The following CMPK1 variants were observed in gnomAD, a reference collection of about 807,000 sequenced individuals.
The protein encoded by CMPK1 is cytidine/uridine monophosphate kinase 1, also known as UMP-CMP kinase.
Under a neutral mutation model 25.7 loss-of-function variants are expected in CMPK1, and 10 were observed. The ratio of observed to expected loss-of-function variants is 0.39; its 90% CI spans 0.24 to 0.66. The LOEUF (loss-of-function observed/expected upper bound fraction) is 0.66, where lower values mean the gene tolerates loss of function less well. Ranked by LOEUF, CMPK1 falls within the 30% of genes least tolerant of loss-of-function variation. The pLI is 0.48. For missense variants in CMPK1, 199 were observed against 280.5 expected, an observed-to-expected ratio of 0.71 and a Z score of 2.08; for synonymous variants, 106 against 101.5, an observed-to-expected ratio of 1.04 and a Z score of -0.27.
intron 1 of CMPK1, among the ~76,000 whole-genome samples, chr1:47,365,890 C>T (rs981283218): frequency 1.4e-4 from 21 of 152,086 alleles, no homozygotes; most frequent in Admixed American, 1.2e-3. Context: ...ATATATTTGT[C>T]ACTAGAAAAT....
At chr1:47,374,805 T>C in intron 3 of CMPK1, 104 bp from the exon 4 acceptor site, 4 of 723,910 alleles carry the variant, frequency 5.5e-6, no homozygotes, top group East Asian at 2.7e-5. Context: ...TTGGGTTTAT[T>C]GCAGGGTTTT....
At chr1:47,360,831 G>A (rs916576365) in intron 1 of CMPK1, among the ~76,000 whole-genome samples, 1 of 152,206 alleles carries the variant, frequency 6.6e-6, no homozygotes, top group Non-Finnish European at 1.5e-5. Context: ...TGGCTACATA[G>A]TAGAAAGAAG....
intron 1 of CMPK1, among the ~76,000 whole-genome samples, chr1:47,342,009 C>G (rs1646444905): frequency 6.6e-6 from 1 of 152,094 alleles, no homozygotes. Flanking sequence ...CCACTTGGCT[C>G]AAGCGATCCT....
chr1:47,366,090 A>C (rs1451766845), intron 1 of CMPK1, among the ~76,000 whole-genome samples: 1 of 152,146 alleles, frequency 6.6e-6, no homozygotes, highest in African/African-American at 2.4e-5. Context: ...GCTGCTTGGG[A>C]GGCTGAGGCA....
intron 1 of CMPK1, among the ~76,000 whole-genome samples, chr1:47,349,270 G>A (rs773081665): frequency 6.6e-6 from 1 of 152,158 alleles, no homozygotes; most frequent in African/African-American, 2.4e-5. Context: ...GGGTCACCTA[G>A]GAATTACCTC....
intron 1 of CMPK1, among the ~76,000 whole-genome samples, chr1:47,337,499 A>C (rs7549485): frequency 1 from 152,096 of 152,294 alleles, 75,954 homozygotes; most frequent in Middle Eastern, 1. Context: ...AATGAAAAGT[A>C]TTCTCTTGAG....
At chr1:47,363,099 C>T (rs1646614629) in intron 1 of CMPK1, among the ~76,000 whole-genome samples, 1 of 152,144 alleles carries the variant, frequency 6.6e-6, no homozygotes, top group African/African-American at 2.4e-5. Context: ...TGTTCCTCAA[C>T]TTAAAATGTG....
chr1:47,364,630 T>C (rs1307392973), intron 1 of CMPK1, among the ~76,000 whole-genome samples: 1 of 148,312 alleles, frequency 6.7e-6, no homozygotes, highest in Non-Finnish European at 1.5e-5. Context: ...TATTTATATT[T>C]TTAATATATA....
At chr1:47,356,505 A>G (rs1011652579) in intron 1 of CMPK1, among the ~76,000 whole-genome samples, 1 of 152,164 alleles carries the variant, frequency 6.6e-6, no homozygotes, top group African/African-American at 2.4e-5. Context: ...ACTCTTTCTG[A>G]TAAGTTTGAG....
At chr1:47,358,262 G>A (rs1037119652) in intron 1 of CMPK1, 5 of 478,690 alleles carry the variant, frequency 1.0e-5, no homozygotes, top group Admixed American at 4.7e-5. Flanking sequence ...ACAGGTGCAC[G>A]TCACCATGAC....
At position 47,377,502 on chromosome 1, in the gene CMPK1, A is replaced by G. The variant is rs1447028457; in HGVS notation, c.*757A>G. 2 of 152,232 alleles carry G rather than the reference A, an allele frequency of 1.3e-5. No individual in the cohort carries two copies. The highest frequency in any genetic ancestry group is 2.4e-5 in the African/African-American group (1 of 41,434). 9.4% of individuals were successfully genotyped at this position (152,232 alleles called of 1,614,324 possible). A position where few individuals can be genotyped will look rare whatever the true frequency, so the allele number is the denominator to read the frequency against. On this transcript the variant is annotated 3_prime_UTR_variant, in exon 6 of 6. Coordinates refer to ENST00000371873, the MANE Select transcript of CMPK1 (RefSeq NM_016308.3). Reference sequence around the variant, plus strand: ...TATAGTGTTATTCATGATTCAGCTGATCTTAACAAAATTCGTAGCAGTGGA... The same window carrying G: ...TATAGTGTTATTCATGATTCAGCTGGTCTTAACAAAATTCGTAGCAGTGGA...
chr1:47,358,104 CTTTTTTT>C (rs398039948), intron 1 of CMPK1, among the ~76,000 whole-genome samples: 6 of 78,756 alleles, frequency 7.6e-5, no homozygotes, highest in Non-Finnish European at 1.3e-4. Context: ...CATAGTAGGT[CTTTTTTT>C]TTTTTTTTTT....
Position 47,334,089 on chromosome 1 carries a change from G to A in CMPK1, c.144G>A (p.Lys48=). 1.3e-6 allele frequency: 2 copies of A among 1,528,912 alleles called. No individual in the cohort carries two copies. The highest frequency in any genetic ancestry group is 2.4e-5 in the South Asian group (2 of 82,464). 94.7% of individuals were successfully genotyped at this position (1,528,912 alleles called of 1,614,324 possible). A position where few individuals can be genotyped will look rare whatever the true frequency, so the allele number is the denominator to read the frequency against. ...TCCTCGGCGGCCCCGGCGCCGGCAAGGGGACCCAGTGCGCCCGCATCGTCG... is the reference window on the plus strand; with the variant it reads ...TCCTCGGCGGCCCCGGCGCCGGCAAAGGGACCCAGTGCGCCCGCATCGTCG... The part of the protein sequence containing the change: ...VFVLGGPGAG[K]GTQCARIVEK... Residue 48 remains lysine, a synonymous_variant, in exon 1 of 6, where the codon AAG becomes AAA. Transcript: ENST00000371873.
intron 1 of CMPK1, among the ~76,000 whole-genome samples, chr1:47,354,568 A>G (rs1417243944): frequency 6.7e-6 from 1 of 149,186 alleles, no homozygotes; most frequent in Non-Finnish European, 1.5e-5. Context: ...GTGTATGCAC[A>G]TACACATAGT....
At chr1:47,340,826 G>A (rs11802287) in intron 1 of CMPK1, among the ~76,000 whole-genome samples, 4,957 of 152,114 alleles carry the variant, frequency 0.033, 258 homozygotes, top group African/African-American at 0.11. Flanking sequence ...TAGTAGAGAC[G>A]GGGTTTCTCC....
chr1:47,377,045 CT>C lies in CMPK1; in HGVS notation c.*305del, dbSNP rs1485190891. The C allele has an allele frequency of 2.8e-5, 6 of 216,080 alleles. No individual in the cohort carries two copies. The highest frequency in any genetic ancestry group is 1.1e-4 in the African/African-American group (5 of 44,080). The allele number at this position is 216,080 out of a possible 1,614,324, so 13.4% of individuals were successfully genotyped here. On this transcript the variant is annotated 3_prime_UTR_variant, in exon 6 of 6. Coordinates refer to ENST00000371873, the MANE Select transcript of CMPK1 (RefSeq NM_016308.3). ...TAGTTTGTGCCTTCTGTGAGCAAAA[CT>C]TTTTAGTACGCGTATATATCCCTCT...
chr1:47,341,842 C>T (rs549531857), intron 1 of CMPK1, among the ~76,000 whole-genome samples: 3 of 151,786 alleles, frequency 2.0e-5, no homozygotes, highest in South Asian at 2.1e-4. Context: ...AGGATGGTCT[C>T]GCTCTCCTGA....
chr1:47,371,038 T>G (rs1316838310), intron 2 of CMPK1, among the ~76,000 whole-genome samples: 1 of 152,140 alleles, frequency 6.6e-6, no homozygotes, highest in South Asian at 2.1e-4. Context: ...TCATTCTAGA[T>G]TCCTAGAACT....
chr1:47,360,492 T>TTG (rs1333636857), intron 1 of CMPK1, among the ~76,000 whole-genome samples: 1 of 152,194 alleles, frequency 6.6e-6, no homozygotes, highest in Admixed American at 6.5e-5. Context: ...TAACTCACTC[T>TTG]TAAGTTTTAT....
Sources: gnomAD v4.1 joint callset for allele counts (sites outside exome capture counted in the v4.1 genomes callset) on GRCh38, gnomAD v4.1.1 for gene constraint, MANE v1.5 for transcripts, NCBI Gene and HGNC (gene_info 2026-07-23, HGNC 2026-07-21) for gene names.